The following CHAT variants were observed in gnomAD, a reference collection of about 807,000 sequenced individuals.
CHAT encodes the protein choline O-acetyltransferase.
Under a neutral mutation model 76.9 loss-of-function variants are expected in CHAT, and 61 were observed. The observed-to-expected ratio is 0.79, with a 90% CI of 0.65 to 0.98. The LOEUF (loss-of-function observed/expected upper bound fraction) is 0.98, where lower values mean the gene tolerates loss of function less well. CHAT is among the 50% of genes least tolerant of loss of function. The pLI is 0.00. For synonymous variants in CHAT, 407 were observed against 397.4 expected, an observed-to-expected ratio of 1.02 and a Z score of -0.29; for missense variants, 946 against 986.9, an observed-to-expected ratio of 0.96 and a Z score of 0.56.
upstream of CHAT, chr10:49,612,314 A>G: frequency 1.2e-6 from 2 of 1,603,010 alleles, no homozygotes; most frequent in South Asian, 2.2e-5. Flanking sequence ...GAGGACGACT[A>G]CAACTACTAC....
chr10:49,633,384 T>C (rs957178005), intron 7 of CHAT, among the ~76,000 whole-genome samples: 1 of 152,126 alleles, frequency 6.6e-6, no homozygotes, highest in African/African-American at 2.4e-5. Flanking sequence ...TGTCTTTTGT[T>C]ACACCTGCGA....
upstream of CHAT, among the ~76,000 whole-genome samples, chr10:49,609,443 G>A (rs1838231667): frequency 6.6e-6 from 1 of 151,642 alleles, no homozygotes; most frequent in South Asian, 2.1e-4. Flanking sequence ...TGCCTGGGAG[G>A]AGTTAGAGTG....
At chr10:49,619,995 G>A in intron 3 of CHAT, 79 bp downstream of exon 3, 1 of 1,431,914 alleles carries the variant, frequency 7.0e-7, no homozygotes, top group South Asian at 1.3e-5. Flanking sequence ...GTGAGAGGCA[G>A]GTAGGGGACA....
At chr10:49,621,972 G>A in intron 4 of CHAT, 125 bp from the exon 5 acceptor site, 2 of 1,003,196 alleles carry the variant, frequency 2.0e-6, no homozygotes, top group South Asian at 2.6e-5. Context: ...AGGAGGGAGG[G>A]AGAAGGGAGG....
At chr10:49,641,443 G>T (rs2132780988) in intron 7 of CHAT, among the ~76,000 whole-genome samples, 1 of 152,308 alleles carries the variant, frequency 6.6e-6, no homozygotes, top group South Asian at 2.1e-4. Flanking sequence ...CCTGGAATCG[G>T]AAGACCCTCT....
At chr10:49,663,300 C>T (rs1210152744) in intron 14 of CHAT, among the ~76,000 whole-genome samples, 3 of 152,152 alleles carry the variant, frequency 2.0e-5, no homozygotes, top group Admixed American at 6.5e-5. Flanking sequence ...CCTACTTAGC[C>T]GAGGTGGAGA....
intron 7 of CHAT, among the ~76,000 whole-genome samples, chr10:49,633,272 C>G (rs1839185937): frequency 6.6e-6 from 1 of 152,194 alleles, no homozygotes; most frequent in African/African-American, 2.4e-5. Flanking sequence ...ATTTTTATAG[C>G]ACTCTGGTGT....
chr10:49,627,019 T>A (rs890928010), intron 6 of CHAT, among the ~76,000 whole-genome samples: 1 of 152,238 alleles, frequency 6.6e-6, no homozygotes, highest in Non-Finnish European at 1.5e-5. Context: ...CTCACCAGTG[T>A]GTTTAAGGCC....
At chr10:49,653,416 T>G (rs980603576) in intron 11 of CHAT, among the ~76,000 whole-genome samples, 2 of 132,430 alleles carry the variant, frequency 1.5e-5, no homozygotes, top group African/African-American at 2.5e-5. Context: ...ACGGTAAAGC[T>G]CTGCCCTCCA....
chr10:49,620,895 G>A (rs1432901374), intron 4 of CHAT, among the ~76,000 whole-genome samples: 1 of 152,204 alleles, frequency 6.6e-6, no homozygotes, highest in Non-Finnish European at 1.5e-5. Context: ...GCCTCCACCT[G>A]GCTGAGGCCC....
In CHAT at chr10:49,665,587, A is replaced by T. The variant is rs1332242783; in HGVS notation, c.*541A>T. Among the ~76,000 whole-genome samples, 2 of 152,030 alleles carry T rather than the reference A, an allele frequency of 1.3e-5. No individual in the cohort carries two copies. Among genetic ancestry groups the T allele is most frequent in the Non-Finnish European group, 2.9e-5 (2 of 68,002 alleles). The stretch of plus-strand genomic sequence containing the variant: ...TGTCTCCACTGAGCCGTACAGTCCT[A>T]CAAGCACCCACTCCTCCCACACACA... On this transcript the variant is annotated 3_prime_UTR_variant, in exon 15 of 15. Coordinates refer to ENST00000337653, the MANE Select transcript of CHAT (RefSeq NM_020549.5).
chr10:49,612,440 G>A, upstream of CHAT: 3 of 1,169,506 alleles, frequency 2.6e-6, no homozygotes, highest in Non-Finnish European at 1.2e-6. Flanking sequence ...CTCCTCCAGC[G>A]AGTACCCCAG....
At chr10:49,616,425 C>T in intron 1 of CHAT, 77 bp from the exon 2 acceptor site, 2 of 1,125,518 alleles carry the variant, frequency 1.8e-6, no homozygotes, top group Non-Finnish European at 2.6e-6. Context: ...GGGTGGGGGT[C>T]TGTTGGCGGG....
chr10:49,616,327 C>G (rs2132701346), intron 1 of CHAT, among the ~76,000 whole-genome samples, 175 bp from the exon 2 acceptor site: 1 of 152,268 alleles, frequency 6.6e-6, no homozygotes, highest in Admixed American at 6.5e-5. Context: ...CTGTGGTCAG[C>G]ACGTACAGGT....
chr10:49,615,465 A>G (rs1838455428), intron 1 of CHAT, among the ~76,000 whole-genome samples: 3 of 152,216 alleles, frequency 2.0e-5, no homozygotes, highest in South Asian at 2.1e-4. Flanking sequence ...TGGTTCATCC[A>G]TCTTTCTGGA....
At chr10:49,643,505 G>A (rs1451335036) in intron 7 of CHAT, among the ~76,000 whole-genome samples, 1 of 152,198 alleles carries the variant, frequency 6.6e-6, no homozygotes, top group African/African-American at 2.4e-5. Context: ...TGAGCCTGCA[G>A]GGACCAGTAG....
chr10:49,609,677 G>T (rs1838237680), upstream of CHAT, among the ~76,000 whole-genome samples: 1 of 152,112 alleles, frequency 6.6e-6, no homozygotes, highest in South Asian at 2.1e-4. Context: ...CGGAGGGGCC[G>T]GTGGGTCAGA....
chr10:49,611,811 G>A (rs1052148536), upstream of CHAT: 1 of 1,603,360 alleles, frequency 6.2e-7, no homozygotes, highest in African/African-American at 1.3e-5. Flanking sequence ...ACCTGCAGTG[G>A]CTGTACGGCG....
chr10:49,611,456 C>T, upstream of CHAT: 2 of 1,598,456 alleles, frequency 1.3e-6, no homozygotes, highest in Non-Finnish European at 1.7e-6. Context: ...TATGAGTTCG[C>T]CGGCAAGCGC....
Sources: gnomAD v4.1 joint callset for allele counts (sites outside exome capture counted in the v4.1 genomes callset) on GRCh38, gnomAD v4.1.1 for gene constraint, MANE v1.5 for transcripts, NCBI Gene and HGNC (gene_info 2026-07-23, HGNC 2026-07-21) for gene names.